Variants in NR2F1-AS1 observed in about 807,000 individuals in gnomAD.
The protein encoded by NR2F1-AS1 is NR2F1 regulatory antisense RNA 1.
intron 4 of NR2F1-AS1, among the ~76,000 whole-genome samples, chr5:93,480,538 C>T (rs1750579043): frequency 6.6e-6 from 1 of 152,208 alleles, no homozygotes. Flanking sequence ...TAAACAGTAA[C>T]TTAAAGCCAT....
chr5:93,414,636 T>C (rs1321809042), intron 4 of NR2F1-AS1, among the ~76,000 whole-genome samples: 1 of 152,190 alleles, frequency 6.6e-6, no homozygotes, highest in Admixed American at 6.5e-5. Flanking sequence ...GTCTTGCCAC[T>C]ATATCAGGGT....
chr5:93,557,289 G>T (rs141733083), intron 2 of NR2F1-AS1, among the ~76,000 whole-genome samples: 1 of 152,132 alleles, frequency 6.6e-6, no homozygotes, highest in Non-Finnish European at 1.5e-5. Flanking sequence ...TGAGTTACTT[G>T]ATGAGCAATA....
chr5:93,432,460 G>A, intron 4 of NR2F1-AS1: 1 of 152,160 alleles, frequency 6.6e-6, no homozygotes, highest in African/African-American at 2.4e-5. Flanking sequence ...AATACCTGAT[G>A]CTAGGAAAGG....
At chr5:93,478,684 G>C (rs886613963) in intron 4 of NR2F1-AS1, among the ~76,000 whole-genome samples, 4 of 152,172 alleles carry the variant, frequency 2.6e-5, no homozygotes, top group African/African-American at 9.7e-5. Context: ...TTATAGGTGT[G>C]AGCCACCGCG....
At chr5:93,435,947 G>T (rs1189107481) in intron 4 of NR2F1-AS1, among the ~76,000 whole-genome samples, 1 of 152,122 alleles carries the variant, frequency 6.6e-6, no homozygotes, top group Non-Finnish European at 1.5e-5. Flanking sequence ...CAAAGTAGAT[G>T]TTACCCACCC....
intron 4 of NR2F1-AS1, among the ~76,000 whole-genome samples, chr5:93,530,912 T>C (rs1053780130): frequency 5.9e-5 from 9 of 151,980 alleles, no homozygotes; most frequent in Admixed American, 3.9e-4. Flanking sequence ...TGAAAAAAAA[T>C]AAAAAAGGAG....
chr5:93,496,068 T>G (rs779315244), intron 4 of NR2F1-AS1: 1 of 152,152 alleles, frequency 6.6e-6, no homozygotes, highest in Non-Finnish European at 1.5e-5. Flanking sequence ...TCTCCAAGAC[T>G]TAGTATCTAT....
intron 4 of NR2F1-AS1, among the ~76,000 whole-genome samples, chr5:93,433,740 C>G (rs193297526): frequency 2.3e-4 from 35 of 152,260 alleles, no homozygotes; most frequent in Middle Eastern, 3.4e-3. Context: ...TATCTGTCCT[C>G]TAGTTTTAAA....
intron 4 of NR2F1-AS1, among the ~76,000 whole-genome samples, chr5:93,444,014 A>T (rs2149853574): frequency 6.6e-6 from 1 of 152,332 alleles, no homozygotes; most frequent in East Asian, 1.9e-4. Flanking sequence ...AGATTTTGTC[A>T]CCACCAGGCC....
chr5:93,476,011 A>C (rs1750476984), intron 4 of NR2F1-AS1, among the ~76,000 whole-genome samples: 1 of 152,184 alleles, frequency 6.6e-6, no homozygotes, highest in South Asian at 2.1e-4. Flanking sequence ...TGCTATTTTT[A>C]TGTTGTGCCA....
intron 4 of NR2F1-AS1, among the ~76,000 whole-genome samples, chr5:93,462,892 T>A (rs1018739355): frequency 6.6e-5 from 10 of 152,182 alleles, no homozygotes; most frequent in African/African-American, 2.4e-4. Flanking sequence ...TTCGGTGCTG[T>A]TAAAAGCATT....
chr5:93,410,819 A>G (rs2149838501), intron 4 of NR2F1-AS1: 1 of 152,326 alleles, frequency 6.6e-6, no homozygotes, highest in South Asian at 2.1e-4. Flanking sequence ...GGGGAAAAAA[A>G]CAGAATTTAA....
intron 4 of NR2F1-AS1, among the ~76,000 whole-genome samples, chr5:93,439,318 C>T (rs1017986637): frequency 6.6e-6 from 1 of 152,110 alleles, no homozygotes; most frequent in African/African-American, 2.4e-5. Flanking sequence ...TTTTTTGAGA[C>T]GGAGTCTCGC....
rs147103362 is a variant in NR2F1-AS1, at chr5:93,449,594, T to A, written n.639-54052A>T. Among the ~76,000 whole-genome samples, 985 of 152,346 alleles carry A rather than the reference T, an allele frequency of 6.5e-3. 14 individuals carry two copies. The highest frequency in any genetic ancestry group is 0.023 in the African/African-American group (953 of 41,586). On this transcript the variant is annotated intron_variant and non_coding_transcript_variant, in intron 4 of 5. Transcript: ENST00000660523. ...TAACAAAGTATTATGATTATAGAAATTAATCATTTATAGACAATTTACTAT... is the reference window on the plus strand; with the variant it reads ...TAACAAAGTATTATGATTATAGAAAATAATCATTTATAGACAATTTACTAT...
chr5:93,583,414 T>C (rs1273987890), upstream of NR2F1-AS1: 1 of 151,644 alleles, frequency 6.6e-6, no homozygotes, highest in Non-Finnish European at 1.5e-5. Context: ...TTCTCTTTTC[T>C]TACATATTCT....
chr5:93,500,206 C>T (rs1035951695), intron 4 of NR2F1-AS1, among the ~76,000 whole-genome samples: 12 of 152,330 alleles, frequency 7.9e-5, no homozygotes, highest in African/African-American at 2.9e-4. Flanking sequence ...TAGGCTTTCA[C>T]AGCTATAGAG....
At chr5:93,431,293 G>A (rs1189322124) in intron 4 of NR2F1-AS1, among the ~76,000 whole-genome samples, 3 of 151,762 alleles carry the variant, frequency 2.0e-5, no homozygotes, top group African/African-American at 4.8e-5. Context: ...ATGATGGTGG[G>A]GGGGAGATGA....
intron 4 of NR2F1-AS1, among the ~76,000 whole-genome samples, chr5:93,512,122 A>T (rs1751310778): frequency 6.6e-6 from 1 of 152,246 alleles, no homozygotes; most frequent in Admixed American, 6.5e-5. Context: ...TTATTATCAT[A>T]GAAGATGACA....
intron 2 of NR2F1-AS1, among the ~76,000 whole-genome samples, chr5:93,561,992 T>G (rs945243900): frequency 6.6e-6 from 1 of 151,824 alleles, no homozygotes; most frequent in Non-Finnish European, 1.5e-5. Context: ...ACATTTAATT[T>G]AAACAAAATA....
Sources: allele counts gnomAD v4.1 joint callset (sites outside exome capture counted in the v4.1 genomes callset), GRCh38; gene constraint gnomAD v4.1.1; transcripts MANE v1.5; gene names NCBI Gene and HGNC (gene_info 2026-07-23, HGNC 2026-07-21).